Variants in LAMB4 observed in about 807,000 individuals in gnomAD.
The protein encoded by LAMB4 is laminin subunit beta-4.
Under a neutral mutation model 199.2 loss-of-function variants are expected in LAMB4, and 196 were observed. That is an observed-to-expected ratio of 0.98 (90% confidence interval 0.88 to 1.11). LAMB4 has a LOEUF of 1.11. Ranked by LOEUF, LAMB4 falls within the 50% of genes least tolerant of loss-of-function variation. The pLI, the probability that LAMB4 is intolerant of heterozygous loss-of-function variation, is 0.00. For synonymous variants in LAMB4, 744 were observed against 770.6 expected, an observed-to-expected ratio of 0.97 and a Z score of 0.57; for missense variants, 2,080 against 2,171.2, an observed-to-expected ratio of 0.96 and a Z score of 0.83.
Position 108,031,401 on chromosome 7 carries a change from G to GA in LAMB4, c.4819-423dup, listed in dbSNP as rs1198080742. ...AAAAAAAAGAGCGAAGAGAAAAAAA[G>GA]AAAAAATATAACGAATAGCCATGTA... On this transcript the variant is annotated intron_variant, in intron 31 of 33. Coordinates refer to ENST00000388781, the MANE Select transcript of LAMB4 (RefSeq NM_007356.3). 4.0e-5 allele frequency among the ~76,000 whole-genome samples: 4 copies of GA among 100,134 alleles called. No individual in the cohort carries two copies. In the East Asian group the frequency reaches 9.0e-4, roughly 23 times the overall value. The allele number at this position is 100,134 out of a possible 152,430, so 65.7% of individuals were successfully genotyped here. A position where few individuals can be genotyped will look rare whatever the true frequency, so the allele number is the denominator to read the frequency against.
chr7:108,031,015 CT>C (rs1479770994), intron 31 of LAMB4, 36 bp from the exon 32 acceptor site: 22 of 1,580,078 alleles, frequency 1.4e-5, no homozygotes, highest in Non-Finnish European at 1.9e-5. Flanking sequence ...GGGAAAATCT[CT>C]TTATGAAACA....
intron 29 of LAMB4, among the ~76,000 whole-genome samples, chr7:108,042,627 T>C (rs1393372932): frequency 6.6e-6 from 1 of 152,188 alleles, no homozygotes; most frequent in Non-Finnish European, 1.5e-5. Context: ...TCGTTTTTAC[T>C]GACTATTTTT....
At chr7:108,093,360 C>T (rs1470666993) in intron 12 of LAMB4, among the ~76,000 whole-genome samples, 2 of 152,214 alleles carry the variant, frequency 1.3e-5, no homozygotes, top group African/African-American at 2.4e-5. Context: ...CCACCAGGCT[C>T]GGCCGTGTAA....
intron 24 of LAMB4, among the ~76,000 whole-genome samples, chr7:108,056,553 A>G (rs1337926595): frequency 6.6e-6 from 1 of 152,246 alleles, no homozygotes; most frequent in African/African-American, 2.4e-5. Context: ...TTCTTTGAGT[A>G]GGTTTCTGAC....
At chr7:108,087,941 G>A (rs778237659) in intron 14 of LAMB4, among the ~76,000 whole-genome samples, 38 of 152,188 alleles carry the variant, frequency 2.5e-4, no homozygotes, top group Non-Finnish European at 4.0e-4. Flanking sequence ...TACTAACTGA[G>A]TACATGCATG....
In LAMB4 at chr7:108,034,473, A is replaced by C. The variant is rs545324239; in HGVS notation, c.4680-127T>G. ...TATTAAGTAAATTTAAATTACTCTTAAACAAGAGAAAGTGCTGAAGTCTTC... is the reference window on the plus strand; with the variant it reads ...TATTAAGTAAATTTAAATTACTCTTCAACAAGAGAAAGTGCTGAAGTCTTC... On this transcript the variant is annotated intron_variant, in intron 30 of 33. Transcript: ENST00000388781. 40 of 734,256 alleles carry C rather than the reference A, an allele frequency of 5.4e-5. No homozygotes were observed. In the East Asian group the frequency reaches 8.1e-4, roughly 15 times the overall value. 45.5% of individuals were successfully genotyped at this position (734,256 alleles called of 1,614,324 possible).
intron 2 of LAMB4, among the ~76,000 whole-genome samples, chr7:108,117,976 G>A (rs534153034): frequency 6.2e-4 from 94 of 152,194 alleles, no homozygotes; most frequent in African/African-American, 2.1e-3. Flanking sequence ...CCTGTATCTT[G>A]TGCTGACCTC....
At chr7:108,031,357 G>A (rs377747745) in intron 31 of LAMB4, among the ~76,000 whole-genome samples, 1,883 of 66,304 alleles carry the variant, frequency 0.028, no homozygotes, top group Middle Eastern at 0.081. Context: ...AGAAAAAAAA[G>A]AAAAAGGAAA....
rs60438956 is a variant in LAMB4, at chr7:108,025,389, TTTTCTTTC to T, written c.5147-1219_5147-1212del. ...TTCTTTCTTTCTTTCTTTTCTTTTC[TTTTCTTTC>T]TTTCTTTCTTTCTTTCTTTCTTCTT... On this transcript the variant is annotated intron_variant, in intron 33 of 33. Transcript: ENST00000388781. Among the ~76,000 whole-genome samples the T allele has an allele frequency of 1.3e-3, 115 of 91,202 alleles. 3 individuals carry two copies. The highest frequency in any genetic ancestry group is 3.7e-3 in the East Asian group (15 of 4,036). The allele number at this position is 91,202 out of a possible 152,430, so 59.8% of individuals were successfully genotyped here.
At chr7:108,084,590 A>C (rs755878105) in intron 14 of LAMB4, among the ~76,000 whole-genome samples, 18 of 152,086 alleles carry the variant, frequency 1.2e-4, no homozygotes, top group Non-Finnish European at 2.5e-4. Flanking sequence ...GCCAATGAAC[A>C]CAGAATTCTG....
chr7:108,057,857 A>C lies in LAMB4; in HGVS notation c.3354T>G (p.Tyr1118Ter), dbSNP rs1189402288. 4 of 1,613,210 alleles carry C rather than the reference A, an allele frequency of 2.5e-6. No individual in the cohort carries two copies. The African/African-American group carries it at 4.0e-5, about 16-fold the overall frequency. The change falls in exon 24 of 34, where the codon TAT becomes TAG. Residue 1118 changes from tyrosine (Y) to a stop codon, truncating the protein, a stop_gained. Coordinates refer to ENST00000388781, the MANE Select transcript of LAMB4 (RefSeq NM_007356.3). LOFTEE classifies it high-confidence loss of function. ...KRCSECQENY[Y>*]GDPPGRCIPC... is the part of the protein sequence containing the mutation. The stretch of plus-strand genomic sequence containing the variant: ...GAATGCATCGCCCAGGTGGATCACC[A>C]TAATAATTTTCCTGGCACTCACTGC...
At chr7:108,058,845 T>C (rs1202295429) in intron 23 of LAMB4, among the ~76,000 whole-genome samples, 2 of 151,974 alleles carry the variant, frequency 1.3e-5, no homozygotes, top group African/African-American at 4.8e-5. Flanking sequence ...TTAATACAGA[T>C]GAGGTTTCAC....
At chr7:108,065,477 T>C (rs563771821) in intron 21 of LAMB4, among the ~76,000 whole-genome samples, 5 of 152,252 alleles carry the variant, frequency 3.3e-5, no homozygotes, top group Non-Finnish European at 7.3e-5. Context: ...GTGATAATTT[T>C]ATTTTAAATA....
At chr7:108,083,986 G>C (rs1295018682) in intron 14 of LAMB4, among the ~76,000 whole-genome samples, 1 of 152,200 alleles carries the variant, frequency 6.6e-6, no homozygotes, top group Non-Finnish European at 1.5e-5. Flanking sequence ...TAGGGCTGTG[G>C]CTATATCATG....
At chr7:108,024,712 T>C (rs918052954) in intron 33 of LAMB4, among the ~76,000 whole-genome samples, 3 of 141,620 alleles carry the variant, frequency 2.1e-5, no homozygotes, top group Non-Finnish European at 4.4e-5. Flanking sequence ...CATCGATCCA[T>C]TGATCCATCC....
rs1394352040 is a variant in LAMB4 at position 108,065,896 on chromosome 7, T to G, written c.2702A>C (p.Asn901Thr). 1 of 1,613,840 alleles carries G rather than the reference T, an allele frequency of 6.2e-7. No homozygotes were observed. Among genetic ancestry groups the G allele is most frequent in the African/African-American group, 1.3e-5 (1 of 74,926 alleles). ...ACGACAGGGCTGTCCTGAAGAAGGA[T>G]TTCCATAGTAACCATCAATACACCT... ...CERCIDGYYG[N>T]PSSGQPCRPC... Residue 901 changes from asparagine (N) to threonine (T), a missense_variant, in exon 21 of 34, where the codon AAT becomes ACT. Asn to Thr is a moderately conservative substitution (Grantham distance 65). Coordinates refer to ENST00000388781, the MANE Select transcript of LAMB4 (RefSeq NM_007356.3).
chr7:108,118,024 G>A (rs1045316746), intron 2 of LAMB4, among the ~76,000 whole-genome samples: 1 of 152,102 alleles, frequency 6.6e-6, no homozygotes, highest in South Asian at 2.1e-4. Context: ...TTAACCATCT[G>A]GGAATGCAGC....
intron 33 of LAMB4, among the ~76,000 whole-genome samples, chr7:108,027,921 T>A (rs1465496749): frequency 6.6e-6 from 1 of 152,162 alleles, no homozygotes; most frequent in Non-Finnish European, 1.5e-5. Flanking sequence ...TAGCTGGGAT[T>A]ACAGGCATGT....
chr7:108,030,912 TC>T lies in LAMB4; in HGVS notation c.4885del (p.Asp1629MetfsTer41), dbSNP rs1031188137. 5 of 1,613,968 alleles carry T rather than the reference TC, an allele frequency of 3.1e-6. No homozygotes were observed. The highest frequency in any genetic ancestry group is 4.2e-6 in the Non-Finnish European group (5 of 1,180,008). On this transcript the variant is annotated frameshift_variant, in exon 32 of 34. Transcript: ENST00000388781. LOFTEE classifies it high-confidence loss of function. ...CTTGGTCTGCAGCAGGGAAAGTCCA[TC>T]CTCCAGCCCTGATCGCTGCTTTGCT... The part of the protein sequence containing the change: ...ELAKQRSGLE[D>X]GLSLLQTKLQ...
Sources: allele counts gnomAD v4.1 joint callset (sites outside exome capture counted in the v4.1 genomes callset), GRCh38; gene constraint gnomAD v4.1.1; transcripts MANE v1.5; gene names NCBI Gene and HGNC (gene_info 2026-07-23, HGNC 2026-07-21).